The following DSG4 variants were observed in gnomAD, a reference collection of about 807,000 sequenced individuals.
DSG4 encodes the protein desmoglein-4.
A neutral mutation model predicts 93.1 loss-of-function variants in DSG4; 87 were observed. The ratio of observed to expected loss-of-function variants is 0.93; its 90% CI spans 0.79 to 1.12. DSG4 has a LOEUF of 1.12. Ranked by LOEUF, DSG4 falls within the 50% of genes most tolerant of loss-of-function variation. DSG4 has a pLI of 0.00. For synonymous variants in DSG4, 432 were observed against 452.9 expected, an observed-to-expected ratio of 0.95 and a Z score of 0.59; for missense variants, 1,373 against 1,285.7, an observed-to-expected ratio of 1.07 and a Z score of -1.04.
rs886053706 is a variant in DSG4 at position 31,411,369 on chromosome 18, G to A, written c.2276G>A (p.Arg759Lys). Residue 759 changes from arginine (R) to lysine (K), a missense_variant, in exon 15 of 16, where the codon AGG becomes AAG. Transcript: ENST00000308128. ...AAGASGAARK[R>K]SSTMGTLRDY... ...GGAGCCTCAGGGGCCGCAAGGAAGA[G>A]GAGCTCTACCATGGGAACCCTGCGG... 6.8e-6 allele frequency: 11 copies of A among 1,614,034 alleles called. No individual in the cohort carries two copies. The highest frequency in any genetic ancestry group is 8.5e-6 in the Non-Finnish European group (10 of 1,180,038).
chr18:31,406,944 AT>A (rs1598751232), intron 12 of DSG4, among the ~76,000 whole-genome samples: 2 of 151,872 alleles, frequency 1.3e-5, no homozygotes. Context: ...CGACTGGCTA[AT>A]TTTTGTACTT....
intron 7 of DSG4, 32 bp downstream of exon 7, chr18:31,391,244 T>C (rs758789448): frequency 4.5e-5 from 72 of 1,612,242 alleles, no homozygotes; most frequent in Admixed American, 1.2e-4. Flanking sequence ...CCTTTTTCCA[T>C]AAGTGTCAAT....
chr18:31,408,889 TAAG>T (rs1273148797), intron 12 of DSG4, among the ~76,000 whole-genome samples: 1 of 152,218 alleles, frequency 6.6e-6, no homozygotes, highest in Non-Finnish European at 1.5e-5. Flanking sequence ...AATTTCCTCT[TAAG>T]AAACACTTGG....
chr18:31,386,365 G>T (rs878936263), intron 2 of DSG4, among the ~76,000 whole-genome samples: 2 of 152,104 alleles, frequency 1.3e-5, no homozygotes, highest in Admixed American at 1.3e-4. Context: ...AGATAGGCAA[G>T]GCTCCTATAT....
intron 12 of DSG4, among the ~76,000 whole-genome samples, chr18:31,409,087 C>T (rs1371577471): frequency 6.6e-6 from 1 of 152,074 alleles, no homozygotes; most frequent in Non-Finnish European, 1.5e-5. Context: ...GTATTCAATC[C>T]TCTTGATAAC....
intron 2 of DSG4, among the ~76,000 whole-genome samples, chr18:31,386,000 G>A (rs2072182895): frequency 6.6e-6 from 1 of 152,104 alleles, no homozygotes; most frequent in Admixed American, 6.6e-5. Flanking sequence ...TTAATAGTAT[G>A]AAATTCTTAA....
At chr18:31,408,634 A>C (rs1403326369) in intron 12 of DSG4, among the ~76,000 whole-genome samples, 1 of 152,244 alleles carries the variant, frequency 6.6e-6, no homozygotes, top group African/African-American at 2.4e-5. Flanking sequence ...GCAATGTGAA[A>C]TAATCACATC....
At position 31,398,022 on chromosome 18, in the gene DSG4, G is replaced by A. The variant is rs142838073; in HGVS notation, c.1006-1250G>A. On this transcript the variant is annotated intron_variant, in intron 8 of 15. Transcript: ENST00000308128. ...AGCCTGAGCGACAGAATGAGACCCT[G>A]TCTCAAAAAAAAAAAAAAAAAAAAA... Among the ~76,000 whole-genome samples the A allele has an allele frequency of 6.0e-3, 448 of 74,068 alleles. 11 individuals are homozygous for A. In the East Asian group the frequency reaches 0.084, roughly 14 times the overall value. The allele number at this position is 74,068 out of a possible 152,430, so 48.6% of individuals were successfully genotyped here.
At chr18:31,405,474 G>C (rs567525754) in intron 11 of DSG4, among the ~76,000 whole-genome samples, 10 of 151,888 alleles carry the variant, frequency 6.6e-5, no homozygotes, top group Middle Eastern at 3.2e-3. Flanking sequence ...GCCAATTACT[G>C]TTGCTCTGGA....
At chr18:31,403,381 A>C in intron 10 of DSG4, 35 bp from the exon 11 acceptor site, 1 of 1,554,210 alleles carries the variant, frequency 6.4e-7, no homozygotes, top group Non-Finnish European at 8.8e-7. Context: ...CCCTAACACC[A>C]TTTACCTCAA....
At chr18:31,382,446 A>C (rs2072146112) in intron 1 of DSG4, 1 of 152,240 alleles carries the variant, frequency 6.6e-6, no homozygotes, top group South Asian at 2.1e-4. Flanking sequence ...AAAAATTTTT[A>C]AAAAGGCTTT....
intron 8 of DSG4, among the ~76,000 whole-genome samples, chr18:31,395,972 A>G (rs1255018330): frequency 4.6e-5 from 7 of 152,232 alleles, no homozygotes; most frequent in Non-Finnish European, 7.3e-5. Context: ...TGTTAAGGAC[A>G]TGAAGGCAAA....
intron 11 of DSG4, among the ~76,000 whole-genome samples, chr18:31,405,447 T>C (rs1278784648): frequency 6.6e-6 from 1 of 152,176 alleles, no homozygotes; most frequent in Non-Finnish European, 1.5e-5. Context: ...CAAATATTTA[T>C]TGAATGTATA....
chr18:31,400,278 G>A (rs1041369838), intron 9 of DSG4, among the ~76,000 whole-genome samples: 2 of 152,060 alleles, frequency 1.3e-5, no homozygotes, highest in Non-Finnish European at 2.9e-5. Context: ...ATTGACAGAC[G>A]CAAAAAAACC....
Position 31,403,610 on chromosome 18 carries a change from A to T in DSG4, c.1612A>T (p.Met538Leu). ...VVDEPPGIAD[M>L]WDVRSTNATS... ...TGATGAGCCACCAGGAATAGCTGAC[A>T]TGTGGGATGTCAGATCAACAAATGG... Residue 538 changes from methionine (M) to leucine (L), a missense_variant, in exon 11 of 16, where the codon ATG (methionine) becomes TTG (leucine). Met to Leu is a conservative substitution (Grantham distance 15). Coordinates refer to ENST00000308128, the MANE Select transcript of DSG4 (RefSeq NM_177986.5). 2 of 1,614,052 alleles carry T rather than the reference A, an allele frequency of 1.2e-6. No individual in the cohort carries two copies. Among genetic ancestry groups the T allele is most frequent in the Non-Finnish European group, 1.7e-6 (2 of 1,179,924 alleles).
intron 12 of DSG4, among the ~76,000 whole-genome samples, chr18:31,406,962 G>C (rs1385053838): frequency 1.3e-5 from 2 of 152,032 alleles, no homozygotes; most frequent in African/African-American, 4.8e-5. Context: ...ACTTTTAGTA[G>C]AGACGGGGTT....
At chr18:31,381,052 C>G (rs1227643574) in intron 1 of DSG4, among the ~76,000 whole-genome samples, 1 of 152,088 alleles carries the variant, frequency 6.6e-6, no homozygotes, top group Non-Finnish European at 1.5e-5. Flanking sequence ...TATTACAGGT[C>G]GAAACTTGTC....
intron 14 of DSG4, 136 bp from the exon 15 acceptor site, chr18:31,411,095 A>C (rs1322774512): frequency 6.3e-7 from 1 of 1,581,124 alleles, no homozygotes; most frequent in African/African-American, 1.4e-5. Flanking sequence ...TGTAACTTGT[A>C]TCTCTCTTTG....
At chr18:31,412,076 A>G (rs1277223536) in intron 15 of DSG4, among the ~76,000 whole-genome samples, 1 of 152,194 alleles carries the variant, frequency 6.6e-6, no homozygotes, top group Non-Finnish European at 1.5e-5. Context: ...ATGCACCCCC[A>G]TGTTTATTGC....
Sources: gnomAD v4.1 joint callset for allele counts (sites outside exome capture counted in the v4.1 genomes callset) on GRCh38, gnomAD v4.1.1 for gene constraint, MANE v1.5 for transcripts, NCBI Gene and HGNC (gene_info 2026-07-23, HGNC 2026-07-21) for gene names.